Variants in VEPH1 observed in about 807,000 individuals in gnomAD.
VEPH1 encodes the protein ventricular zone-expressed PH domain-containing protein homolog 1.
A neutral mutation model predicts 85.2 loss-of-function variants in VEPH1; 80 were observed. That is an observed-to-expected ratio of 0.94 (90% CI 0.78 to 1.13). The LOEUF (loss-of-function observed/expected upper bound fraction) is 1.13. Among genes scored for constraint, VEPH1 ranks in the 50% most tolerant of loss-of-function variants. VEPH1 has a pLI of 0.00. For synonymous variants in VEPH1, 297 were observed against 348.0 expected, an observed-to-expected ratio of 0.85 and a Z score of 1.63; for missense variants, 955 against 980.5, an observed-to-expected ratio of 0.97 and a Z score of 0.35.
chr3:157,482,482 C>A (rs1008810658), intron 2 of VEPH1, among the ~76,000 whole-genome samples: 5 of 152,182 alleles, frequency 3.3e-5, no homozygotes, highest in Non-Finnish European at 7.3e-5. Flanking sequence ...CTTGGCCCCC[C>A]AAAGTGCTGG....
intron 9 of VEPH1, among the ~76,000 whole-genome samples, chr3:157,353,227 C>A (rs903835074): frequency 2.3e-4 from 35 of 151,586 alleles, no homozygotes; most frequent in Admixed American, 1.3e-3. Flanking sequence ...TCAAATTTCC[C>A]CCTCCCTCTC....
chr3:157,408,636 A>G (rs1382503856), intron 6 of VEPH1, among the ~76,000 whole-genome samples: 1 of 152,178 alleles, frequency 6.6e-6, no homozygotes, highest in Non-Finnish European at 1.5e-5. Flanking sequence ...TGACACATTT[A>G]AGGTACAACC....
intron 5 of VEPH1, among the ~76,000 whole-genome samples, chr3:157,414,820 G>C (rs1359043339): frequency 1.3e-5 from 2 of 152,086 alleles, no homozygotes; most frequent in Non-Finnish European, 2.9e-5. Context: ...GGAAACCTGT[G>C]GGAAACTGAA....
chr3:157,404,212 C>A (rs1730985414), intron 6 of VEPH1, among the ~76,000 whole-genome samples: 1 of 152,090 alleles, frequency 6.6e-6, no homozygotes, highest in Non-Finnish European at 1.5e-5. Flanking sequence ...CTGTGAGCCA[C>A]CTGCTATGAG....
intron 1 of VEPH1, among the ~76,000 whole-genome samples, 163 bp downstream of exon 1, chr3:157,503,114 A>G (rs1362552979): frequency 2.0e-5 from 3 of 152,164 alleles, no homozygotes; most frequent in Non-Finnish European, 2.9e-5. Context: ...GGCTAGACAC[A>G]CAGCTCCCAA....
chr3:157,355,547 C>T (rs1368437784), intron 9 of VEPH1, among the ~76,000 whole-genome samples: 1 of 152,236 alleles, frequency 6.6e-6, no homozygotes, highest in Non-Finnish European at 1.5e-5. Context: ...TGACAACATT[C>T]TTGTGCGTTG....
At chr3:157,386,201 A>G (rs1729269761) in intron 6 of VEPH1, among the ~76,000 whole-genome samples, 1 of 147,242 alleles carries the variant, frequency 6.8e-6, no homozygotes, top group Admixed American at 7.2e-5. Context: ...CCCCAAACAA[A>G]TAATCATAGA....
intron 7 of VEPH1, among the ~76,000 whole-genome samples, chr3:157,371,342 G>A (rs1727465766): frequency 6.6e-6 from 1 of 152,186 alleles, no homozygotes. Context: ...AAATATAAAA[G>A]CCATGATACA....
intron 12 of VEPH1, among the ~76,000 whole-genome samples, chr3:157,272,268 CCTT>C (rs1714674578): frequency 2.5e-5 from 1 of 39,822 alleles, no homozygotes; most frequent in African/African-American, 5.7e-5. Context: ...TTCCTTCCTT[CCTT>C]CCTTCCTTCC....
At chr3:157,301,645 G>A (rs1037773103) in intron 11 of VEPH1, among the ~76,000 whole-genome samples, 1 of 152,166 alleles carries the variant, frequency 6.6e-6, no homozygotes, top group Non-Finnish European at 1.5e-5. Flanking sequence ...CCAGTTGAAT[G>A]GACACTTATC....
intron 12 of VEPH1, among the ~76,000 whole-genome samples, chr3:157,279,875 G>T (rs1318400772): frequency 6.6e-6 from 1 of 151,992 alleles, no homozygotes; most frequent in Non-Finnish European, 1.5e-5. Flanking sequence ...AATTAGCTGA[G>T]TGTGGTGGCG....
chr3:157,405,038 C>G (rs545641993), intron 6 of VEPH1, among the ~76,000 whole-genome samples: 5 of 152,126 alleles, frequency 3.3e-5, no homozygotes, highest in Admixed American at 6.5e-5. Context: ...GCACCTACTT[C>G]CCTCACAGAC....
intron 12 of VEPH1, among the ~76,000 whole-genome samples, chr3:157,276,430 T>A (rs981254295): frequency 1.3e-5 from 2 of 152,202 alleles, no homozygotes; most frequent in Non-Finnish European, 2.9e-5. Flanking sequence ...TGGGATAGGG[T>A]GAGAAGCCTT....
intron 2 of VEPH1, among the ~76,000 whole-genome samples, chr3:157,494,746 C>T (rs1489276669): frequency 2.0e-5 from 3 of 152,074 alleles, no homozygotes; most frequent in Non-Finnish European, 1.5e-5. Context: ...GGCAGCAAAG[C>T]GATCGTTGTC....
In VEPH1 at chr3:157,261,021, T is replaced by C. The variant is rs1712806955; in HGVS notation, c.*113A>G. ...TTCTTCTTAAAGGACAACAATTCCA[T>C]TGGTATTTAGTAAAAAACAACATGG... On this transcript the variant is annotated 3_prime_UTR_variant, in exon 14 of 14. Coordinates refer to ENST00000362010, the MANE Select transcript of VEPH1 (RefSeq NM_001167912.2). The C allele has an allele frequency of 3.5e-6, 5 of 1,419,044 alleles. No homozygotes were observed. The highest frequency in any genetic ancestry group is 4.8e-6 in the Non-Finnish European group (5 of 1,046,992). 87.9% of individuals were successfully genotyped at this position (1,419,044 alleles called of 1,614,324 possible).
At chr3:157,359,382 AC>A (rs1725791212) in intron 9 of VEPH1, among the ~76,000 whole-genome samples, 1 of 152,218 alleles carries the variant, frequency 6.6e-6, no homozygotes, top group African/African-American at 2.4e-5. Flanking sequence ...GTGATATTAG[AC>A]CATTGCTCTG....
intron 4 of VEPH1, among the ~76,000 whole-genome samples, chr3:157,435,993 T>C (rs1171385109): frequency 6.6e-6 from 1 of 152,156 alleles, no homozygotes; most frequent in Non-Finnish European, 1.5e-5. Flanking sequence ...TTGTTTGTCA[T>C]AGGCCGGGTG....
At chr3:157,387,697 C>T (rs1729447656) in intron 6 of VEPH1, among the ~76,000 whole-genome samples, 1 of 152,190 alleles carries the variant, frequency 6.6e-6, no homozygotes, top group Non-Finnish European at 1.5e-5. Flanking sequence ...TGCTGTCCTC[C>T]TTGTGAGTGG....
chr3:157,497,895 G>A (rs1158042547), intron 1 of VEPH1, among the ~76,000 whole-genome samples: 1 of 152,192 alleles, frequency 6.6e-6, no homozygotes, highest in Non-Finnish European at 1.5e-5. Flanking sequence ...AAACATAGGG[G>A]TGGAGTGGGG....
Sources: allele counts gnomAD v4.1 joint callset (sites outside exome capture counted in the v4.1 genomes callset), GRCh38; gene constraint gnomAD v4.1.1; transcripts MANE v1.5; gene names NCBI Gene and HGNC (gene_info 2026-07-23, HGNC 2026-07-21).